The following RABEP2 variants were observed in gnomAD, a reference collection of about 807,000 sequenced individuals.
RABEP2 encodes rab GTPase-binding effector protein 2.
In RABEP2, 57 loss-of-function variants were observed where a neutral mutation model predicts 74.1. The ratio of observed to expected loss-of-function variants is 0.77; its 90% CI spans 0.62 to 0.96. RABEP2 has a LOEUF of 0.96. RABEP2 is among the 40% of genes least tolerant of loss of function. RABEP2 has a pLI of 0.00. For missense variants in RABEP2, 692 were observed against 756.3 expected, an observed-to-expected ratio of 0.91 and a Z score of 1.00; for synonymous variants, 351 against 344.0, an observed-to-expected ratio of 1.02 and a Z score of -0.23.
At chr16:28,917,967 T>A (rs1247758821) in intron 3 of RABEP2, 1 of 151,876 alleles carries the variant, frequency 6.6e-6, no homozygotes, top group Non-Finnish European at 1.5e-5. Context: ...GAAGTATCTA[T>A]CTCACAGGTC....
At chr16:28,924,676 A>G in intron 1 of RABEP2, 61 bp from the exon 2 acceptor site, 2 of 1,488,972 alleles carry the variant, frequency 1.3e-6, no homozygotes, top group Middle Eastern at 3.4e-4. Context: ...CTACCGGCTT[A>G]GCAAGTCCTG....
chr16:28,915,061 CTT>C (rs1366306430), intron 3 of RABEP2, among the ~76,000 whole-genome samples: 1 of 143,808 alleles, frequency 7.0e-6, no homozygotes, highest in East Asian at 2.1e-4. Context: ...CGTCATAGAA[CTT>C]TACCTTTTTT....
At position 28,924,538 on chromosome 16, in the gene RABEP2, G is replaced by C; in HGVS notation, c.139C>G (p.Leu47Val). ...TCCATTTCTGCCAGGGCGCCTGCCA[G>C]CTCAGCCCGAAGCCGGCTGAGCTCA... ...SGELSRLRAELAGALAEMETM... is the reference protein window; with the variant it reads ...SGELSRLRAEVAGALAEMETM... Residue 47 changes from leucine (L) to valine (V), a missense_variant, in exon 2 of 13, where the codon CTG (leucine) becomes GTG (valine). Coordinates refer to ENST00000358201, the MANE Select transcript of RABEP2 (RefSeq NM_024816.3). 6.2e-7 allele frequency: 1 copy of C among 1,613,970 alleles called. No individual in the cohort carries two copies. The highest frequency in any genetic ancestry group is 1.1e-5 in the South Asian group (1 of 91,090).
rs376904477 is a variant in RABEP2, at chr16:28,906,169, G to A, written c.1273C>T (p.Arg425Trp). The A allele has an allele frequency of 1.1e-5, 18 of 1,591,134 alleles. No homozygotes were observed. The highest frequency in any genetic ancestry group is 5.6e-5 in the South Asian group (5 of 88,714). The change falls in exon 9 of 13, where the codon CGG becomes TGG. Residue 425 changes from arginine to tryptophan, a missense_variant. Arg to Trp is a moderately radical substitution (Grantham distance 101). Transcript: ENST00000358201. The stretch of plus-strand genomic sequence containing the variant: ...TGCAGCCGGGCCCTCGCCTCTTGCC[G>A]CGTGCAGCACAGCAGCTGCTGCAGC... The part of the protein sequence containing the change: ...PELQQLLCCT[R>W]QEARARLQAQ...
At chr16:28,919,109 C>A (rs555681600) in intron 3 of RABEP2, among the ~76,000 whole-genome samples, 1 of 152,216 alleles carries the variant, frequency 6.6e-6, no homozygotes, top group Non-Finnish European at 1.5e-5. Flanking sequence ...AGGGAATGGA[C>A]TGGGGAGGCT....
intron 3 of RABEP2, among the ~76,000 whole-genome samples, chr16:28,918,568 T>C (rs961282338): frequency 6.6e-6 from 1 of 151,430 alleles, no homozygotes; most frequent in Admixed American, 6.6e-5. Context: ...TGAGTCGAGA[T>C]TGCGCCACTG....
At chr16:28,910,837 G>A (rs375622280) in intron 7 of RABEP2, 51 bp downstream of exon 7, 5 of 1,503,522 alleles carry the variant, frequency 3.3e-6, no homozygotes, top group Non-Finnish European at 4.5e-6. Flanking sequence ...ACGTGCAACT[G>A]ATTCCTGCTG....
intron 8 of RABEP2, among the ~76,000 whole-genome samples, 200 bp from the exon 9 acceptor site, chr16:28,906,396 A>G (rs2152217980): frequency 6.6e-6 from 1 of 152,318 alleles, no homozygotes; most frequent in East Asian, 1.9e-4. Flanking sequence ...GAAGCTCAGG[A>G]CACACGACCA....
intron 5 of RABEP2, among the ~76,000 whole-genome samples, chr16:28,911,425 GC>G (rs1244842089): frequency 1.3e-5 from 2 of 152,156 alleles, no homozygotes; most frequent in Non-Finnish European, 2.9e-5. Flanking sequence ...ACTTTGGAAG[GC>G]CGAGGCGGGT....
In RABEP2 at chr16:28,904,715, C is replaced by G; in HGVS notation, c.*228G>C. ...CAGGCCTGAGCCTGCACCTTTGGTTCCGGGAGGGGCTTGGGCCCCTCACCC... is the reference window on the plus strand; with the variant it reads ...CAGGCCTGAGCCTGCACCTTTGGTTGCGGGAGGGGCTTGGGCCCCTCACCC... On this transcript the variant is annotated 3_prime_UTR_variant, in exon 13 of 13. Coordinates refer to ENST00000358201, the MANE Select transcript of RABEP2 (RefSeq NM_024816.3). The G allele has an allele frequency of 1.6e-6, 1 of 639,328 alleles. No homozygotes were observed. The allele number at this position is 639,328 out of a possible 1,614,324, so 39.6% of individuals were successfully genotyped here.
chr16:28,906,659 G>A (rs947578533), intron 8 of RABEP2, among the ~76,000 whole-genome samples: 9 of 152,138 alleles, frequency 5.9e-5, no homozygotes, highest in South Asian at 4.1e-4. Flanking sequence ...CAGCTACTCC[G>A]GAGGCTGAGG....
At chr16:28,909,680 CTCCAGCCTG>C (rs1202918362) in intron 7 of RABEP2, among the ~76,000 whole-genome samples, 1 of 151,760 alleles carries the variant, frequency 6.6e-6, no homozygotes, top group Admixed American at 6.6e-5. Flanking sequence ...CACCACTGCA[CTCCAGCCTG>C]GCCAGCCTGA....
chr16:28,905,551 C>G, intron 11 of RABEP2, 38 bp from the exon 12 acceptor site: 1 of 1,588,770 alleles, frequency 6.3e-7, no homozygotes, highest in Non-Finnish European at 8.6e-7. Context: ...GGGCCTGGCT[C>G]AGCCTGGACC....
chr16:28,919,682 T>A (rs1964442647), intron 3 of RABEP2, 104 bp downstream of exon 3: 1 of 1,318,144 alleles, frequency 7.6e-7, no homozygotes, highest in Non-Finnish European at 1.0e-6. Context: ...ATTCCTAGAA[T>A]CACTGCTGGG....
intron 10 of RABEP2, 23 bp from the exon 11 acceptor site, chr16:28,905,782 G>A: frequency 6.2e-7 from 1 of 1,613,898 alleles, no homozygotes; most frequent in Middle Eastern, 1.7e-4. Context: ...GGCAGGGGGA[G>A]ACGTCAGGGC....
intron 3 of RABEP2, 67 bp from the exon 4 acceptor site, chr16:28,914,849 G>C: frequency 7.3e-7 from 1 of 1,378,412 alleles, no homozygotes; most frequent in Non-Finnish European, 1.0e-6. Flanking sequence ...GGTCTGTTCA[G>C]AGCTTCCTCT....
In RABEP2 at chr16:28,904,674, A is replaced by G; in HGVS notation, c.*269T>C. The G allele has an allele frequency of 1.5e-6, 1 of 683,098 alleles. No homozygotes were observed. Among genetic ancestry groups the G allele is most frequent in the Non-Finnish European group, 2.3e-6 (1 of 434,428 alleles). 42.3% of individuals were successfully genotyped at this position (683,098 alleles called of 1,614,324 possible). On this transcript the variant is annotated 3_prime_UTR_variant, in exon 13 of 13. Transcript: ENST00000358201. ...AGGGCTGGAGCCCAGGAGGCAGCAC[A>G]GCAGCCAGAAAGCCGCAGGCCTGAG...
Position 28,914,220 on chromosome 16 carries a change from T to A in RABEP2, c.894+16A>T. 4 of 1,565,798 alleles carry A rather than the reference T, an allele frequency of 2.6e-6. No homozygotes were observed. The highest frequency in any genetic ancestry group is 3.5e-6 in the Non-Finnish European group (4 of 1,155,122). ...AGGGGGATGGTACACCCCGCCACCC[T>A]GCCCACAACACTCACCTCTGTCTGC... On this transcript the variant is annotated intron_variant, in intron 5 of 12. Coordinates refer to ENST00000358201, the MANE Select transcript of RABEP2 (RefSeq NM_024816.3).
chr16:28,904,485 C>T lies in RABEP2; in HGVS notation c.*458G>A. 6.7e-7 allele frequency: 1 copy of T among 1,503,004 alleles called. No homozygotes were observed. The highest frequency in any genetic ancestry group is 8.9e-7 in the Non-Finnish European group (1 of 1,125,914). 93.1% of individuals were successfully genotyped at this position (1,503,004 alleles called of 1,614,324 possible). A position where few individuals can be genotyped will look rare whatever the true frequency, so the allele number is the denominator to read the frequency against. ...AAGTCTGGCCTTGCCTCTGTGCAAG[C>T]TTGGAGGCCTGGGTCGCCGCTGTGG... On this transcript the variant is annotated 3_prime_UTR_variant, in exon 13 of 13. Coordinates refer to ENST00000358201, the MANE Select transcript of RABEP2 (RefSeq NM_024816.3).
Sources: gnomAD v4.1 joint callset for allele counts (sites outside exome capture counted in the v4.1 genomes callset) on GRCh38, gnomAD v4.1.1 for gene constraint, MANE v1.5 for transcripts, NCBI Gene and HGNC (gene_info 2026-07-23, HGNC 2026-07-21) for gene names.